Variants in SDHB observed in about 807,000 individuals in gnomAD.
SDHB encodes succinate dehydrogenase complex iron sulfur subunit B, also known as succinate dehydrogenase [ubiquinone] iron-sulfur subunit, mitochondrial.
Under a neutral mutation model 39.7 loss-of-function variants are expected in SDHB, and 21 were observed. The observed-to-expected ratio is 0.53, with a 90% CI of 0.37 to 0.76. The LOEUF is 0.76. SDHB is among the 30% of genes least tolerant of loss of function. The pLI, the probability that SDHB is intolerant of heterozygous loss-of-function variation, is 0.00. For missense variants in SDHB, 343 were observed against 350.9 expected, an observed-to-expected ratio of 0.98 and a Z score of 0.18; for synonymous variants, 118 against 117.0, an observed-to-expected ratio of 1.01 and a Z score of -0.06.
intron 2 of SDHB, among the ~76,000 whole-genome samples, chr1:17,037,004 T>G (rs1402087705): frequency 6.6e-6 from 1 of 151,898 alleles, no homozygotes; most frequent in Non-Finnish European, 1.5e-5. Flanking sequence ...GCCAGTATTT[T>G]CAGAAAAAGA....
intron 2 of SDHB, among the ~76,000 whole-genome samples, chr1:17,039,484 G>A (rs1048080611): frequency 1.3e-5 from 2 of 151,806 alleles, no homozygotes; most frequent in African/African-American, 4.8e-5. Context: ...GGACATGGGA[G>A]GCTGAGGTGG....
At chr1:17,022,280 G>C (rs1042775005) in intron 7 of SDHB, among the ~76,000 whole-genome samples, 3 of 152,188 alleles carry the variant, frequency 2.0e-5, no homozygotes, top group African/African-American at 7.2e-5. Flanking sequence ...CCTCACAGCT[G>C]CCCACGTTCC....
At position 17,036,715 on chromosome 1, in the gene SDHB, TATAA is replaced by T. The variant is rs1204741819; in HGVS notation, c.201-3574_201-3571del. Among the ~76,000 whole-genome samples the T allele has an allele frequency of 5.5e-5, 8 of 146,728 alleles. No individual in the cohort carries two copies. In the East Asian group the frequency reaches 5.8e-4, roughly 11 times the overall value. On this transcript the variant is annotated intron_variant, in intron 2 of 7. Coordinates refer to ENST00000375499, the MANE Select transcript of SDHB (RefSeq NM_003000.3). ...ATTTATATAAATATGAATATATAAA[TATAA>T]ATATTTATATAAATATGAATATATA...
At chr1:17,021,703 C>T (rs551202810) in intron 7 of SDHB, among the ~76,000 whole-genome samples, 14 of 150,628 alleles carry the variant, frequency 9.3e-5, no homozygotes, top group Admixed American at 4.6e-4. Flanking sequence ...TGAGATCGAT[C>T]GTGCCATTGC....
intron 5 of SDHB, 92 bp downstream of exon 5, chr1:17,027,657 G>A (rs1570947781): frequency 1.2e-6 from 1 of 828,376 alleles, no homozygotes; most frequent in Non-Finnish European, 2.1e-6. Context: ...TAAATGGCTT[G>A]CATCAGCTTA....
At chr1:17,036,785 T>A (rs1467582160) in intron 2 of SDHB, among the ~76,000 whole-genome samples, 1 of 146,132 alleles carries the variant, frequency 6.8e-6, no homozygotes, top group Non-Finnish European at 1.5e-5. Context: ...TAAATATAAA[T>A]ACATATATAA....
rs146651738 is a variant in SDHB at position 17,020,328 on chromosome 1, G to T, written c.766-1370C>A. On this transcript the variant is annotated intron_variant, in intron 7 of 7. Coordinates refer to ENST00000375499, the MANE Select transcript of SDHB (RefSeq NM_003000.3). ...CTTCCCACTGACCTGACAGTGATCTGGGGCGAGTCACTCCCCTCCCCACCT... is the reference window on the plus strand; with the variant it reads ...CTTCCCACTGACCTGACAGTGATCTTGGGCGAGTCACTCCCCTCCCCACCT... 5.0e-3 allele frequency among the ~76,000 whole-genome samples: 758 copies of T among 152,322 alleles called. 8 individuals carry two copies. The highest frequency in any genetic ancestry group is 0.018 in the African/African-American group (729 of 41,556).
chr1:17,022,025 C>G (rs540972622), intron 7 of SDHB, among the ~76,000 whole-genome samples: 6 of 152,206 alleles, frequency 3.9e-5, no homozygotes, highest in Non-Finnish European at 8.8e-5. Context: ...ATGCGACACC[C>G]TCTCAGGAAA....
chr1:17,049,768 C>T (rs2078135157), intron 1 of SDHB, among the ~76,000 whole-genome samples: 1 of 146,364 alleles, frequency 6.8e-6, no homozygotes. Flanking sequence ...GCCTCAGCCT[C>T]CCAAGTAGCT....
chr1:17,052,711 G>C (rs2078155684), intron 1 of SDHB, among the ~76,000 whole-genome samples: 1 of 152,196 alleles, frequency 6.6e-6, no homozygotes, highest in Non-Finnish European at 1.5e-5. Flanking sequence ...TGCAGACAGA[G>C]TGGATCCAAG....
At position 17,051,062 on chromosome 1, in the gene SDHB, G is replaced by A. The variant is rs959431189; in HGVS notation, c.72+2886C>T. On this transcript the variant is annotated intron_variant, in intron 1 of 7. Coordinates refer to ENST00000375499, the MANE Select transcript of SDHB (RefSeq NM_003000.3). ...AGCCATTATAACCAGTGGTGAAAAC[G>A]CAAACATAAAACGCAACAGTGCAAA... 2.6e-5 allele frequency among the ~76,000 whole-genome samples: 4 copies of A among 152,168 alleles called. No individual in the cohort carries two copies. The East Asian group carries it at 5.8e-4, about 22-fold the overall frequency.
chr1:17,031,843 G>C (rs1387429294), intron 3 of SDHB, among the ~76,000 whole-genome samples: 1 of 152,170 alleles, frequency 6.6e-6, no homozygotes, highest in Non-Finnish European at 1.5e-5. Flanking sequence ...TGAGAGAGCA[G>C]ATCTGGAGTC....
intron 1 of SDHB, among the ~76,000 whole-genome samples, chr1:17,047,697 AGAG>A (rs1405165717): frequency 3.0e-5 from 4 of 134,414 alleles, no homozygotes; most frequent in East Asian, 2.2e-4. Flanking sequence ...AAAAAAAAAA[AGAG>A]AGAGAGTTTT....
chr1:17,041,565 G>A (rs909171212), intron 2 of SDHB, among the ~76,000 whole-genome samples: 1 of 152,012 alleles, frequency 6.6e-6, no homozygotes, highest in African/African-American at 2.4e-5. Flanking sequence ...AGGAGGCTGA[G>A]GCAAGGGAAT....
chr1:17,051,096 T>C (rs1040684159), intron 1 of SDHB, among the ~76,000 whole-genome samples: 1 of 152,182 alleles, frequency 6.6e-6, no homozygotes, highest in Non-Finnish European at 1.5e-5. Context: ...AAAAGATAAT[T>C]CCATTTCACA....
At chr1:17,035,942 G>A (rs1228863516) in intron 2 of SDHB, among the ~76,000 whole-genome samples, 1 of 152,132 alleles carries the variant, frequency 6.6e-6, no homozygotes, top group Admixed American at 6.6e-5. Flanking sequence ...TACTGGGACA[G>A]AGAAAAATAT....
At chr1:17,028,465 A>G in intron 4 of SDHB, 135 bp downstream of exon 4, 1 of 875,954 alleles carries the variant, frequency 1.1e-6, no homozygotes, top group South Asian at 1.4e-5. Flanking sequence ...AAACAGTCCC[A>G]TCTATTTACT....
chr1:17,022,107 CAG>C (rs1167722622), intron 7 of SDHB, among the ~76,000 whole-genome samples: 1 of 152,118 alleles, frequency 6.6e-6, no homozygotes, highest in Non-Finnish European at 1.5e-5. Flanking sequence ...AAATCCAGGC[CAG>C]AGTGAGCCAA....
chr1:17,039,299 T>C (rs1444001563), intron 2 of SDHB, among the ~76,000 whole-genome samples: 1 of 151,654 alleles, frequency 6.6e-6, no homozygotes, highest in Non-Finnish European at 1.5e-5. Context: ...AAATAATTAC[T>C]CTTGGCTGGG....
Sources: gnomAD v4.1 joint callset for allele counts (sites outside exome capture counted in the v4.1 genomes callset) on GRCh38, gnomAD v4.1.1 for gene constraint, MANE v1.5 for transcripts, NCBI Gene and HGNC (gene_info 2026-07-23, HGNC 2026-07-21) for gene names.